Variants in SNX29 observed in about 807,000 individuals in gnomAD.
The protein encoded by SNX29 is sorting nexin 29, also known as sorting nexin-29.
A neutral mutation model predicts 102.1 loss-of-function variants in SNX29; 78 were observed. The observed-to-expected ratio is 0.76, with a 90% confidence interval of 0.64 to 0.92. The LOEUF (loss-of-function observed/expected upper bound fraction) is 0.92. SNX29 is among the 40% of genes least tolerant of loss of function. The probability of loss-of-function intolerance (pLI) is 0.00; values close to 1 mark genes in which losing one functional copy is unlikely to be tolerated. For synonymous variants in SNX29, 580 were observed against 414.5 expected, an observed-to-expected ratio of 1.40 and a Z score of -4.85; for missense variants, 1,280 against 1,061.7, an observed-to-expected ratio of 1.21 and a Z score of -2.86.
intron 13 of SNX29, among the ~76,000 whole-genome samples, chr16:12,153,253 A>T (rs2055375881): frequency 6.6e-6 from 1 of 152,030 alleles, no homozygotes; most frequent in African/African-American, 2.4e-5. Context: ...ACAGAGCAAG[A>T]CCCTGTCTCT....
In SNX29 at chr16:12,356,195, C is replaced by T. The variant is rs773623793; in HGVS notation, c.1815C>T (p.Phe605=). Residue 605 remains phenylalanine, a synonymous_variant, in exon 16 of 21, where the codon TTC becomes TTT. Transcript: ENST00000566228. Reference sequence around the variant, plus strand: ...AGATGCATGGCGAGCTGATTGAGTTCAACGAGCGCCTGCACAGGGCCCTGG... The same window carrying T: ...AGATGCATGGCGAGCTGATTGAGTTTAACGAGCGCCTGCACAGGGCCCTGG... ...VAEMHGELIE[F]NERLHRALVA... is the part of the protein sequence containing the mutation. 1 of 1,613,178 alleles carries T rather than the reference C, an allele frequency of 6.2e-7. No homozygotes were observed. Among genetic ancestry groups the T allele is most frequent in the African/African-American group, 1.3e-5 (1 of 74,938 alleles).
chr16:12,435,370 A>T (rs907475131), intron 18 of SNX29, among the ~76,000 whole-genome samples: 14 of 152,222 alleles, frequency 9.2e-5, no homozygotes, highest in African/African-American at 3.4e-4. Flanking sequence ...CCCATTTATT[A>T]AACTGATGAC....
rs990615040 is a variant in SNX29, at chr16:12,572,756, C to T, written c.*4127C>T. 19 of 1,063,974 alleles carry T rather than the reference C, an allele frequency of 1.8e-5. No homozygotes were observed. In the Admixed American group the frequency reaches 2.1e-4, roughly 12 times the overall value. 65.9% of individuals were successfully genotyped at this position (1,063,974 alleles called of 1,614,324 possible). ...AAAGGAAGGGCTGGGTTTTCAGCTTCTGGGACCCGAGGAAGACCCCACCTC... is the reference window on the plus strand; with the variant it reads ...AAAGGAAGGGCTGGGTTTTCAGCTTTTGGGACCCGAGGAAGACCCCACCTC... On this transcript the variant is annotated 3_prime_UTR_variant, in exon 21 of 21. Coordinates refer to ENST00000566228, the MANE Select transcript of SNX29 (RefSeq NM_032167.5).
chr16:12,454,044 C>A (rs1295102453), intron 18 of SNX29, among the ~76,000 whole-genome samples: 1 of 152,122 alleles, frequency 6.6e-6, no homozygotes, highest in Non-Finnish European at 1.5e-5. Flanking sequence ...GCTTCCCTTG[C>A]AGCTACATAT....
At chr16:12,492,475 C>G (rs539515828) in intron 19 of SNX29, among the ~76,000 whole-genome samples, 2 of 152,008 alleles carry the variant, frequency 1.3e-5, no homozygotes, top group Non-Finnish European at 2.9e-5. Flanking sequence ...TCCCATTTTG[C>G]AGGTTGCCTG....
At chr16:12,037,017 G>C (rs1263636635) in intron 4 of SNX29, among the ~76,000 whole-genome samples, 1 of 152,150 alleles carries the variant, frequency 6.6e-6, no homozygotes, top group Non-Finnish European at 1.5e-5. Context: ...CTGTGGTTGG[G>C]TGTCTTTCCG....
intron 14 of SNX29, among the ~76,000 whole-genome samples, chr16:12,223,618 G>C (rs1250967590): frequency 6.6e-6 from 1 of 152,190 alleles, no homozygotes; most frequent in Non-Finnish European, 1.5e-5. Flanking sequence ...GAGCCAGGAT[G>C]GCGCCATTGC....
Position 12,051,970 on chromosome 16 carries a change from G to A in SNX29, c.872G>A (p.Ser291Asn). Residue 291 changes from serine (S) to asparagine (N), a missense_variant, in exon 8 of 21, where the codon AGC becomes AAC. By Grantham distance (46) the Ser-to-Asn change is conservative (BLOSUM62 1). Coordinates refer to ENST00000566228, the MANE Select transcript of SNX29 (RefSeq NM_032167.5). ...VFKKTPGAGE[S>N]SEDNSDRSSV... ...AAAAAGACACCTGGGGCAGGGGAGA[G>A]CTCAGAGGACAACTCCGACCGCTCC... 1.9e-6 allele frequency: 3 copies of A among 1,613,928 alleles called. No individual in the cohort carries two copies. Among genetic ancestry groups the A allele is most frequent in the South Asian group, 1.1e-5 (1 of 91,070 alleles).
chr16:12,391,007 G>A (rs946178170), intron 16 of SNX29, among the ~76,000 whole-genome samples: 5 of 152,050 alleles, frequency 3.3e-5, no homozygotes, highest in African/African-American at 7.3e-5. Context: ...GTGCAGTGGC[G>A]CAATCAGGTC....
intron 15 of SNX29, among the ~76,000 whole-genome samples, chr16:12,282,867 G>A (rs1241748673): frequency 6.6e-6 from 1 of 152,172 alleles, no homozygotes; most frequent in African/African-American, 2.4e-5. Flanking sequence ...GTGTTGGCCA[G>A]GCTGGTCTCG....
intron 4 of SNX29, among the ~76,000 whole-genome samples, chr16:12,034,297 C>G (rs1341248742): frequency 1.3e-5 from 2 of 152,214 alleles, no homozygotes; most frequent in African/African-American, 4.8e-5. Context: ...CAGTTCCTCA[C>G]TCGCCCATCC....
At chr16:12,550,913 T>A (rs948880139) in intron 20 of SNX29, among the ~76,000 whole-genome samples, 2 of 152,210 alleles carry the variant, frequency 1.3e-5, no homozygotes, top group African/African-American at 4.8e-5. Context: ...AATTGCTGGT[T>A]TTATTTAAGT....
chr16:12,050,776 A>G (rs149211603), intron 7 of SNX29, among the ~76,000 whole-genome samples: 4 of 152,200 alleles, frequency 2.6e-5, no homozygotes, highest in African/African-American at 7.2e-5. Context: ...CAATGGCGCA[A>G]TCTTGGCTCA....
intron 15 of SNX29, among the ~76,000 whole-genome samples, chr16:12,345,586 A>C (rs1292312140): frequency 6.6e-6 from 1 of 152,248 alleles, no homozygotes; most frequent in Non-Finnish European, 1.5e-5. Flanking sequence ...GTAAGTGCTC[A>C]GAAAACAGTA....
chr16:12,005,692 T>A (rs1011211307), intron 3 of SNX29, among the ~76,000 whole-genome samples: 12 of 152,060 alleles, frequency 7.9e-5, no homozygotes, highest in Non-Finnish European at 1.8e-4. Context: ...ACGGGTGGAG[T>A]ATCCCTCATC....
chr16:12,356,517 T>C (rs1276953346), intron 16 of SNX29, among the ~76,000 whole-genome samples: 1 of 152,240 alleles, frequency 6.6e-6, no homozygotes, highest in Non-Finnish European at 1.5e-5. Flanking sequence ...TAGTTAAAAT[T>C]GGCATATAGT....
intron 16 of SNX29, among the ~76,000 whole-genome samples, chr16:12,359,812 C>A (rs139482500): frequency 5.1e-4 from 78 of 152,196 alleles, no homozygotes; most frequent in African/African-American, 1.8e-3. Flanking sequence ...CATTATCACA[C>A]CTATTTTTAT....
chr16:12,095,470 G>A (rs1305585961), intron 11 of SNX29, among the ~76,000 whole-genome samples: 1 of 152,142 alleles, frequency 6.6e-6, no homozygotes, highest in African/African-American at 2.4e-5. Context: ...TGGTGAGGTC[G>A]CGAGTGGTGG....
intron 18 of SNX29, among the ~76,000 whole-genome samples, chr16:12,441,335 A>G (rs9929943): frequency 0.28 from 42,560 of 151,778 alleles, 6,303 homozygotes; most frequent in African/African-American, 0.39. Context: ...TGATCCACCC[A>G]CCTCGGCCTC....
Sources: gnomAD v4.1 joint callset for allele counts (sites outside exome capture counted in the v4.1 genomes callset) on GRCh38, gnomAD v4.1.1 for gene constraint, MANE v1.5 for transcripts, NCBI Gene and HGNC (gene_info 2026-07-23, HGNC 2026-07-21) for gene names.